The following SYT1 variants were observed in gnomAD, a reference collection of about 807,000 sequenced individuals.
The protein encoded by SYT1 is synaptotagmin 1.
A neutral mutation model predicts 44.8 loss-of-function variants in SYT1; 8 were observed. The ratio of observed to expected loss-of-function variants is 0.18; its 90% confidence interval spans 0.10 to 0.32. The LOEUF (loss-of-function observed/expected upper bound fraction) is 0.32, where lower values mean the gene tolerates loss of function less well. SYT1 is among the 10% of genes least tolerant of loss of function. The pLI is 1.00. For synonymous variants in SYT1, 154 were observed against 188.8 expected (o/e 0.82, Z 1.51); for missense variants, 286 against 509.3 (o/e 0.56, Z 4.22).
chr12:79,249,970 C>A (rs1259408514), intron 4 of SYT1, among the ~76,000 whole-genome samples: 1 of 152,062 alleles, frequency 6.6e-6, no homozygotes, highest in Non-Finnish European at 1.5e-5. Flanking sequence ...AGGGTTGGGT[C>A]TGGAACCTGT....
chr12:79,033,726 A>T (rs1429783824), intron 2 of SYT1, among the ~76,000 whole-genome samples: 2 of 151,552 alleles, frequency 1.3e-5, no homozygotes, highest in Non-Finnish European at 3.0e-5. Flanking sequence ...GTAAATTTTT[A>T]AAAATTTTAC....
At chr12:79,139,199 G>T (rs1869398031) in intron 3 of SYT1, among the ~76,000 whole-genome samples, 1 of 152,124 alleles carries the variant, frequency 6.6e-6, no homozygotes, top group Admixed American at 6.6e-5. Context: ...GTTTGAGGTT[G>T]AAAGGTTTAA....
At chr12:79,076,349 C>G (rs113148675) in intron 3 of SYT1, among the ~76,000 whole-genome samples, 1 of 152,198 alleles carries the variant, frequency 6.6e-6, no homozygotes, top group African/African-American at 2.4e-5. Flanking sequence ...TCTGTTGTTT[C>G]CTCAAATGCC....
In SYT1 at chr12:79,276,108, G is replaced by C. The variant is rs374483562; in HGVS notation, c.167-9679G>C. Among the ~76,000 whole-genome samples, 57 of 151,042 alleles carry C rather than the reference G, an allele frequency of 3.8e-4. 3 individuals are homozygous for C. The South Asian group carries it at 0.012, about 32-fold the overall frequency. On this transcript the variant is annotated intron_variant, in intron 4 of 10. Coordinates refer to ENST00000261205, the MANE Select transcript of SYT1 (RefSeq NM_005639.3). Reference sequence around the variant, plus strand: ...AATAAGAAGAAATATCCCCAGATGAGAAAGAACCAGAAAAATGATTCTGGC... The same window carrying C: ...AATAAGAAGAAATATCCCCAGATGACAAAGAACCAGAAAAATGATTCTGGC...
chr12:78,948,606 G>A (rs11112016), intron 1 of SYT1, among the ~76,000 whole-genome samples: 23,106 of 151,818 alleles, frequency 0.15, 2,073 homozygotes, highest in East Asian at 0.3. Flanking sequence ...ATATTCATGT[G>A]TATATTGGAT....
At chr12:78,904,664 T>C (rs1362928978) in intron 1 of SYT1, among the ~76,000 whole-genome samples, 1 of 152,114 alleles carries the variant, frequency 6.6e-6, no homozygotes, top group East Asian at 1.9e-4. Flanking sequence ...ACATATTCCA[T>C]TGTTCAAAAA....
chr12:79,003,086 A>G (rs931932692), intron 2 of SYT1, among the ~76,000 whole-genome samples: 1 of 152,042 alleles, frequency 6.6e-6, no homozygotes, highest in African/African-American at 2.4e-5. Context: ...CAGCATCCCA[A>G]AGAATCTATA....
At chr12:79,395,940 A>T (rs1015738860) in intron 9 of SYT1, among the ~76,000 whole-genome samples, 25 of 152,348 alleles carry the variant, frequency 1.6e-4, no homozygotes, top group African/African-American at 5.8e-4. Flanking sequence ...TATAGTTTAT[A>T]AGATAGCCAT....
chr12:79,173,907 T>G (rs554222304), intron 3 of SYT1, among the ~76,000 whole-genome samples: 4 of 152,170 alleles, frequency 2.6e-5, no homozygotes, highest in Admixed American at 2.6e-4. Flanking sequence ...TAACTTAATG[T>G]GGCATTCTAT....
At chr12:79,332,048 TA>T (rs1881880330) in intron 8 of SYT1, among the ~76,000 whole-genome samples, 1 of 152,118 alleles carries the variant, frequency 6.6e-6, no homozygotes, top group Non-Finnish European at 1.5e-5. Flanking sequence ...CATATGCTGT[TA>T]AAAAAATATA....
intron 3 of SYT1, among the ~76,000 whole-genome samples, chr12:79,180,600 G>T (rs1243043622): frequency 6.6e-6 from 1 of 152,014 alleles, no homozygotes; most frequent in East Asian, 1.9e-4. Flanking sequence ...CATGGCTGAA[G>T]TGGAAGGAGG....
chr12:79,357,827 C>G (rs1440377432), intron 9 of SYT1, among the ~76,000 whole-genome samples: 1 of 152,166 alleles, frequency 6.6e-6, no homozygotes, highest in Non-Finnish European at 1.5e-5. Flanking sequence ...TTACACATCT[C>G]TGTGTGGAGT....
chr12:79,421,622 C>T (rs903370763), intron 9 of SYT1, among the ~76,000 whole-genome samples: 1 of 151,628 alleles, frequency 6.6e-6, no homozygotes. Flanking sequence ...ACATATTGCT[C>T]TTGCATTGAA....
At chr12:79,018,118 G>A (rs1871928977) in intron 2 of SYT1, among the ~76,000 whole-genome samples, 2 of 151,762 alleles carry the variant, frequency 1.3e-5, no homozygotes, top group South Asian at 4.2e-4. Context: ...TGATAGACTG[G>A]ATTAAGAAAA....
At chr12:79,222,622 A>T (rs1005018490) in intron 4 of SYT1, among the ~76,000 whole-genome samples, 3 of 152,098 alleles carry the variant, frequency 2.0e-5, no homozygotes, top group South Asian at 2.1e-4. Context: ...ACCTCGGGTG[A>T]TCCACCCACC....
At chr12:79,192,204 G>A (rs1873174042) in intron 3 of SYT1, among the ~76,000 whole-genome samples, 1 of 152,124 alleles carries the variant, frequency 6.6e-6, no homozygotes, top group Admixed American at 6.6e-5. Context: ...AGGAGTGTGT[G>A]TTTTAGTGAA....
chr12:79,305,241 C>G (rs535176475), intron 8 of SYT1, among the ~76,000 whole-genome samples: 1 of 152,192 alleles, frequency 6.6e-6, no homozygotes, highest in South Asian at 2.1e-4. Context: ...TTTAAATTCC[C>G]TAGAAAAGTA....
intron 3 of SYT1, among the ~76,000 whole-genome samples, chr12:79,129,801 A>G (rs781499934): frequency 3.0e-4 from 45 of 152,166 alleles, no homozygotes; most frequent in Admixed American, 3.3e-4. Context: ...GGCTTTTAAT[A>G]TAGTAAATCT....
At chr12:78,982,183 A>G (rs558272903) in intron 2 of SYT1, among the ~76,000 whole-genome samples, 1 of 152,346 alleles carries the variant, frequency 6.6e-6, no homozygotes, top group East Asian at 1.9e-4. Context: ...CCTGCAGTAT[A>G]TAGCTCTTTT....
Sources: allele counts gnomAD v4.1 joint callset (sites outside exome capture counted in the v4.1 genomes callset), GRCh38; gene constraint gnomAD v4.1.1; transcripts MANE v1.5; gene names NCBI Gene and HGNC (gene_info 2026-07-23, HGNC 2026-07-21).